Variants in PASK observed in about 807,000 individuals in gnomAD.
The protein encoded by PASK is PAS domain containing serine/threonine kinase, also known as PAS domain-containing serine/threonine-protein kinase.
In PASK, 110 loss-of-function variants were observed where a neutral mutation model predicts 121.0. The ratio of observed to expected loss-of-function variants is 0.91; its 90% CI spans 0.78 to 1.06. PASK has a LOEUF of 1.06. Among genes scored for constraint, PASK ranks in the 50% least tolerant of loss-of-function variants. The pLI, the probability that PASK is intolerant of heterozygous loss-of-function variation, is 0.00. For missense variants in PASK, 1,643 were observed against 1,702.3 expected (o/e 0.97, Z 0.61); for synonymous variants, 686 against 717.8 (o/e 0.96, Z 0.71).
intron 1 of PASK, among the ~76,000 whole-genome samples, chr2:241,144,123 T>C (rs772482300): frequency 9.9e-5 from 15 of 151,966 alleles, no homozygotes; most frequent in Non-Finnish European, 2.1e-4. Context: ...CGTGCGTGTG[T>C]GTGCGTGTGC....
chr2:241,148,952 C>G (rs1436573237), intron 1 of PASK, among the ~76,000 whole-genome samples: 1 of 151,170 alleles, frequency 6.6e-6, no homozygotes, highest in Non-Finnish European at 1.5e-5. Flanking sequence ...TTGCTGTAAC[C>G]ACGAGCGCCG....
intron 11 of PASK, among the ~76,000 whole-genome samples, chr2:241,123,119 G>A (rs1357178327): frequency 1.3e-5 from 2 of 151,522 alleles, no homozygotes; most frequent in African/African-American, 4.9e-5. Context: ...CACACATGTC[G>A]AAACGTGTTT....
In PASK at chr2:241,112,396, T is replaced by C; in HGVS notation, c.3377A>G (p.His1126Arg). The change falls in exon 15 of 18, where the codon CAC becomes CGC. Residue 1126 changes from histidine to arginine, a missense_variant. His to Arg is a conservative substitution (Grantham distance 29, BLOSUM62 0). Coordinates refer to ENST00000234040, the MANE Select transcript of PASK (RefSeq NM_015148.4). The surrounding 1 kb of genome is among the most constrained non-coding windows in gnomAD (Gnocchi z 5.2). ...VGYLRLKDII[H>R]RDIKDENIVI... ...GATGTTCTCATCCTTGATGTCACGG[T>C]GGATGATGTCCTTCAAGCGCAGGTA... 6.2e-7 allele frequency: 1 copy of C among 1,613,728 alleles called. No individual in the cohort carries two copies. The highest frequency in any genetic ancestry group is 1.1e-5 in the South Asian group (1 of 91,062).
chr2:241,127,750 A>G, intron 9 of PASK: 1 of 405,264 alleles, frequency 2.5e-6, no homozygotes, highest in South Asian at 2.1e-5. Context: ...AGGGCCCCCA[A>G]ACCCCCCGTC....
intron 1 of PASK, among the ~76,000 whole-genome samples, chr2:241,144,081 GGT>G (rs143364489): frequency 1.3e-5 from 2 of 151,806 alleles, no homozygotes; most frequent in Admixed American, 6.6e-5. Context: ...TTTACCTGCA[GGT>G]GTGTGTGTGT....
At chr2:241,107,325 G>C (rs763397403) in intron 17 of PASK, 28 bp downstream of exon 17, 6 of 1,604,226 alleles carry the variant, frequency 3.7e-6, no homozygotes, top group Admixed American at 3.3e-5. Context: ...GAAGTCATGT[G>C]GGGTGGAGGG....
At chr2:241,149,731 C>T (rs780371910), upstream of PASK, 10 of 1,546,772 alleles carry the variant, frequency 6.5e-6, no homozygotes, top group African/African-American at 1.2e-4. Context: ...GAGCTCGCCT[C>T]TTGGAGGCCT....
intron 9 of PASK, 137 bp from the exon 10 acceptor site, chr2:241,127,588 GT>G: frequency 1.4e-6 from 1 of 733,360 alleles, no homozygotes; most frequent in Non-Finnish European, 2.4e-6. Flanking sequence ...ACCAAATTTT[GT>G]GACCAAGTTA....
chr2:241,108,256 A>G lies in PASK; in HGVS notation c.3578T>C (p.Leu1193Pro). Residue 1193 changes from leucine (L) to proline (P), a missense_variant, in exon 16 of 18, where the codon CTG (leucine) becomes CCG (proline). By Grantham distance (98) the Leu-to-Pro change is moderately conservative (BLOSUM62 -3). Transcript: ENST00000234040. The surrounding 1 kb of genome is among the most constrained non-coding windows in gnomAD (Gnocchi z 5.2). ...ELEMWSLGVTLYTLVFEENPF... is the reference protein window; with the variant it reads ...ELEMWSLGVTPYTLVFEENPF... Reference sequence around the variant, plus strand: ...GTTCTCCTCAAAGACCAGCGTGTACAGAGTGACTCCCAGAGACCACATCTC... The same window carrying G: ...GTTCTCCTCAAAGACCAGCGTGTACGGAGTGACTCCCAGAGACCACATCTC... 6.2e-7 allele frequency: 1 copy of G among 1,614,016 alleles called. No homozygotes were observed. The highest frequency in any genetic ancestry group is 8.5e-7 in the Non-Finnish European group (1 of 1,179,872).
At chr2:241,142,008 T>C (rs950907435) in intron 2 of PASK, among the ~76,000 whole-genome samples, 1 of 151,820 alleles carries the variant, frequency 6.6e-6, no homozygotes, top group African/African-American at 2.4e-5. Context: ...CTGTCAACAC[T>C]CACTGAGAAC....
At position 241,117,473 on chromosome 2, in the gene PASK, G is replaced by A. The variant is rs553184999; in HGVS notation, c.3073-2060C>T. On this transcript the variant is annotated intron_variant, in intron 12 of 17. Transcript: ENST00000234040. ...CAGGGCCAAGGAGACAAGAGGGCAG[G>A]CTCCTCCAGGGGGGCCCATGCACAC... is the stretch of plus-strand genomic sequence containing the variant. 4.6e-5 allele frequency among the ~76,000 whole-genome samples: 7 copies of A among 152,338 alleles called. No homozygotes were observed. In the East Asian group the frequency reaches 1.4e-3, roughly 29 times the overall value.
At chr2:241,118,830 G>A (rs891339653) in intron 12 of PASK, 7 of 672,902 alleles carry the variant, frequency 1.0e-5, no homozygotes, top group African/African-American at 9.5e-5. Context: ...GCTGTGTGGT[G>A]TACACACCCC....
At position 241,108,146 on chromosome 2, in the gene PASK, C is replaced by T. The variant is rs2064963778; in HGVS notation, c.3667+21G>A. 6.2e-7 allele frequency: 1 copy of T among 1,613,926 alleles called. No homozygotes were observed. On this transcript the variant is annotated intron_variant, in intron 16 of 17. Coordinates refer to ENST00000234040, the MANE Select transcript of PASK (RefSeq NM_015148.4). The surrounding 1 kb of genome is among the most constrained non-coding windows in gnomAD (Gnocchi z 5.2). ...CTCTAAGGACAGTGTCGACTGTCTA[C>T]CACTTGCAGCTCACGCTCACCTTTG...
At chr2:241,140,788 A>T in intron 2 of PASK, 35 bp from the exon 3 acceptor site, 1 of 1,417,988 alleles carries the variant, frequency 7.1e-7, no homozygotes, top group South Asian at 1.2e-5. Context: ...TTTAGACTTC[A>T]CACAGCTGCC....
At chr2:241,144,523 G>A (rs2066861777) in intron 1 of PASK, among the ~76,000 whole-genome samples, 2 of 152,204 alleles carry the variant, frequency 1.3e-5, no homozygotes, top group Admixed American at 6.5e-5. Flanking sequence ...CCACCTTCTG[G>A]GTATCCAGAA....
upstream of PASK, chr2:241,150,306 T>C: frequency 1.5e-6 from 2 of 1,336,102 alleles, no homozygotes; most frequent in Non-Finnish European, 1.9e-6. Context: ...AATTACCTGC[T>C]CTGGGGGAGG....
intron 12 of PASK, among the ~76,000 whole-genome samples, chr2:241,122,270 A>G (rs2065645576): frequency 6.6e-6 from 1 of 152,190 alleles, no homozygotes; most frequent in South Asian, 2.1e-4. Context: ...ATAATAAGAG[A>G]AAAGTCACAA....
Position 241,127,255 on chromosome 2 carries a change from G to C in PASK, c.1660C>G (p.Pro554Ala). Reference sequence around the variant, plus strand: ...GCATCACTGCCCCCATCCTCAGCTGGGACTGGAGCTTCAGAATCTTCGCAG... The same window carrying C: ...GCATCACTGCCCCCATCCTCAGCTGCGACTGGAGCTTCAGAATCTTCGCAG... ...ASCEDSEAPVPAEDGGSDAGM... is the reference protein window; with the variant it reads ...ASCEDSEAPVAAEDGGSDAGM... The change falls in exon 10 of 18, where the codon CCA becomes GCA. Residue 554 changes from proline to alanine, a missense_variant. This residue lies in a region of PASK where 1,176 missense variants were observed against 1,162.2 expected (regional missense o/e 1.01). Coordinates refer to ENST00000234040, the MANE Select transcript of PASK (RefSeq NM_015148.4). 2 of 1,614,216 alleles carry C rather than the reference G, an allele frequency of 1.2e-6. No homozygotes were observed. Among genetic ancestry groups the C allele is most frequent in the Non-Finnish European group, 1.7e-6 (2 of 1,180,040 alleles).
upstream of PASK, chr2:241,149,579 G>C: frequency 7.0e-7 from 1 of 1,421,334 alleles, no homozygotes; most frequent in Non-Finnish European, 9.5e-7. Context: ...GAGTCTAGAA[G>C]CCCGCGCTAA....
Sources: gnomAD v4.1 joint callset for allele counts (sites outside exome capture counted in the v4.1 genomes callset) on GRCh38, gnomAD v4.1.1 for gene constraint, gnomAD v4.1.1 regional missense constraint, Gnocchi (gnomAD v3.1) non-coding constraint, MANE v1.5 for transcripts, NCBI Gene and HGNC (gene_info 2026-07-23, HGNC 2026-07-21) for gene names.